Variants in KLHDC7B observed in about 807,000 individuals in gnomAD.
KLHDC7B encodes the protein kelch domain-containing protein 7B.
KLHDC7B carries 1 observed loss-of-function variant against 0.6 expected under a neutral mutation model. The observed-to-expected ratio is 1.71, with a 90% CI of 0.61 to 8.11. The LOEUF is 8.11. Among genes scored for constraint, KLHDC7B ranks in the 30% most tolerant of loss-of-function variants. The probability of loss-of-function intolerance (pLI) is 0.13; values close to 1 mark genes in which losing one functional copy is unlikely to be tolerated. For missense variants in KLHDC7B, 993 were observed against 894.9 expected, an observed-to-expected ratio of 1.11 and a Z score of -1.40; for synonymous variants, 462 against 405.2, an observed-to-expected ratio of 1.14 and a Z score of -1.68.
chr22:50,548,864 A>T lies in KLHDC7B; in HGVS notation c.2621A>T (p.His874Leu). 1 of 1,560,814 alleles carries T rather than the reference A, an allele frequency of 6.4e-7. No individual in the cohort carries two copies. The highest frequency in any genetic ancestry group is 1.2e-5 in the South Asian group (1 of 86,080). ...CLDVLAFAQQ[H>L]GEPGLAQETY... ...GACGTGCTGGCCTTTGCCCAGCAGC[A>T]CGGAGAGCCCGGCCTGGCGCAGGAG... Residue 874 changes from histidine (H) to leucine (L), a missense_variant, in exon 1 of 1, where the codon CAC (histidine) becomes CTC (leucine). His to Leu is a moderately conservative substitution (Grantham distance 99, BLOSUM62 -3). Transcript: ENST00000648057. This position sits in a 1 kb window ranked among gnomAD's most constrained non-coding sequence, Gnocchi z 5.3.
Position 50,548,672 on chromosome 22 carries a change from G to C in KLHDC7B, c.2429G>C (p.Ser810Thr). 1 of 1,520,588 alleles carries C rather than the reference G, an allele frequency of 6.6e-7. No individual in the cohort carries two copies. Among genetic ancestry groups the C allele is most frequent in the East Asian group, 2.5e-5 (1 of 39,864 alleles). 94.2% of individuals were successfully genotyped at this position (1,520,588 alleles called of 1,614,324 possible). Residue 810 changes from serine to threonine, a missense_variant, in exon 1 of 1, where the codon AGC becomes ACC. Coordinates refer to ENST00000648057, the MANE Select transcript of KLHDC7B (RefSeq NM_138433.5). This position sits in a 1 kb window ranked among gnomAD's most constrained non-coding sequence, Gnocchi z 5.3. ...GAGGGGGGCAGCCCTGCCGGCCGCA[G>C]CGGGGCGCTCACGGAAAAGCAGGAG... Reference protein sequence around the residue: ...PGEGGSPAGRSGALTEKQEEA... With the variant: ...PGEGGSPAGRTGALTEKQEEA...
Position 50,549,103 on chromosome 22 carries a change from C to G in KLHDC7B, c.2860C>G (p.Pro954Ala). The change falls in exon 1 of 1, where the codon CCT becomes GCT. Residue 954 changes from proline (P) to alanine (A), a missense_variant. Pro to Ala is a conservative substitution (Grantham distance 27). Coordinates refer to ENST00000648057, the MANE Select transcript of KLHDC7B (RefSeq NM_138433.5). Reference protein sequence around the residue: ...PRGEEPPAAAPVSLPLPAHLH... With the variant: ...PRGEEPPAAAAVSLPLPAHLH... ...TGGCGAGGAGCCTCCTGCGGCGGCC[C>G]CTGTGTCCCTGCCTCTACCTGCGCA... 2 of 1,601,194 alleles carry G rather than the reference C, an allele frequency of 1.2e-6. No homozygotes were observed. The highest frequency in any genetic ancestry group is 1.7e-6 in the Non-Finnish European group (2 of 1,179,680).
chr22:50,549,518 A>G lies in KLHDC7B; in HGVS notation c.3275A>G (p.Asp1092Gly). The change falls in exon 1 of 1, where the codon GAC becomes GGC. Residue 1092 changes from aspartate to glycine, a missense_variant. Coordinates refer to ENST00000648057, the MANE Select transcript of KLHDC7B (RefSeq NM_138433.5). The stretch of plus-strand genomic sequence containing the variant: ...CACGAGGCTGTGGCCTGCCGTGGGG[A>G]CATCTACGTCACCGGGGGTCACCTC... ...VAHEAVACRG[D>G]IYVTGGHLFY... 1 of 1,609,488 alleles carries G rather than the reference A, an allele frequency of 6.2e-7. No homozygotes were observed. The highest frequency in any genetic ancestry group is 8.5e-7 in the Non-Finnish European group (1 of 1,177,694).
At position 50,548,223 on chromosome 22, in the gene KLHDC7B, G is replaced by A. The variant is rs776649660; in HGVS notation, c.1980G>A (p.Pro660=). ...AAGACAGGCCCCAAGGGAGTGTCCC[G>A]AGGGCGGTTCCCGGGAGCCCCGTGG... ...PRQDRPQGSV[P]RAVPGSPVGP... is the part of the protein sequence containing the mutation. Residue 660 remains proline, a synonymous_variant, in exon 1 of 1, where the codon CCG becomes CCA. Coordinates refer to ENST00000648057, the MANE Select transcript of KLHDC7B (RefSeq NM_138433.5). This position sits in a 1 kb window ranked among gnomAD's most constrained non-coding sequence, Gnocchi z 5.3. 7.3e-5 allele frequency: 113 copies of A among 1,549,868 alleles called. No individual in the cohort carries two copies. The highest frequency in any genetic ancestry group is 9.5e-5 in the Non-Finnish European group (109 of 1,146,302).
rs2058441772 is a variant in KLHDC7B, at chr22:50,549,530, C to T, written c.3287C>T (p.Thr1096Ile). The T allele has an allele frequency of 2.5e-6, 4 of 1,606,214 alleles. No homozygotes were observed. The highest frequency in any genetic ancestry group is 1.7e-5 in the Admixed American group (1 of 59,666). The part of the protein sequence containing the change: ...AVACRGDIYV[T>I]GGHLFYRLLR... ...GCCTGCCGTGGGGACATCTACGTCA[C>T]CGGGGGTCACCTCTTCTACCGCCTG... Residue 1096 changes from threonine to isoleucine, a missense_variant, in exon 1 of 1, where the codon ACC becomes ATC. Thr to Ile is a moderately conservative substitution (Grantham distance 89). Transcript: ENST00000648057.
In KLHDC7B at chr22:50,548,805, C is replaced by T. The variant is rs1373654555; in HGVS notation, c.2562C>T (p.Ala854=). 1.4e-6 allele frequency: 2 copies of T among 1,480,296 alleles called. No homozygotes were observed. The highest frequency in any genetic ancestry group is 2.7e-5 in the East Asian group (1 of 37,548). 91.7% of individuals were successfully genotyped at this position (1,480,296 alleles called of 1,614,324 possible). The change falls in exon 1 of 1, where the codon GCC becomes GCT. Residue 854 remains alanine (A), a synonymous_variant. Coordinates refer to ENST00000648057, the MANE Select transcript of KLHDC7B (RefSeq NM_138433.5). This position sits in a 1 kb window ranked among gnomAD's most constrained non-coding sequence, Gnocchi z 5.3. ...SRALEPATAA[A]LRRRLDLGSC... is the part of the protein sequence containing the mutation. ...CCCTGGAGCCCGCCACGGCGGCAGC[C>T]CTGCGGCGGCGGCTGGACCTGGGCA...
chr22:50,548,513 C>T lies in KLHDC7B; in HGVS notation c.2270C>T (p.Ala757Val), dbSNP rs1167163536. ...CCCGCGCAGAGGCCGCCTGGCCCCGCGGCCTCCTCCTCTGCGAGGCGCTCA... is the reference window on the plus strand; with the variant it reads ...CCCGCGCAGAGGCCGCCTGGCCCCGTGGCCTCCTCCTCTGCGAGGCGCTCA... ...QPPAQRPPGP[A>V]ASSSARRSQP... The change falls in exon 1 of 1, where the codon GCG becomes GTG. Residue 757 changes from alanine to valine, a missense_variant. Ala to Val is a moderately conservative substitution (Grantham distance 64, BLOSUM62 0). Transcript: ENST00000648057. The surrounding 1 kb of genome is among the most constrained non-coding windows in gnomAD (Gnocchi z 5.3). 3 of 1,555,540 alleles carry T rather than the reference C, an allele frequency of 1.9e-6. No homozygotes were observed. The highest frequency in any genetic ancestry group is 1.9e-5 in the Admixed American group (1 of 51,368).
At position 50,549,520 on chromosome 22, in the gene KLHDC7B, A is replaced by C. The variant is rs777682809; in HGVS notation, c.3277A>C (p.Ile1093Leu). The C allele has an allele frequency of 6.2e-7, 1 of 1,609,406 alleles. No homozygotes were observed. Among genetic ancestry groups the C allele is most frequent in the East Asian group, 2.2e-5 (1 of 44,766 alleles). ...AHEAVACRGD[I>L]YVTGGHLFYR... ...CGAGGCTGTGGCCTGCCGTGGGGAC[A>C]TCTACGTCACCGGGGGTCACCTCTT... The change falls in exon 1 of 1, where the codon ATC becomes CTC. Residue 1093 changes from isoleucine (I) to leucine (L), a missense_variant. Ile to Leu is a conservative substitution (Grantham distance 5, BLOSUM62 2). Transcript: ENST00000648057.
chr22:50,547,894 C>G lies in KLHDC7B; in HGVS notation c.1651C>G (p.Pro551Ala), dbSNP rs2069749947. ...CCCATCCCCAGCCCTAACCCCAGTC[C>G]CAACCCCAGCCCTAAGCCCAGCTCC... Reference protein sequence around the residue: ...TPPSPALTPVPTPALSPAPTP... With the variant: ...TPPSPALTPVATPALSPAPTP... The change falls in exon 1 of 1, where the codon CCA becomes GCA. Residue 551 changes from proline (P) to alanine (A), a missense_variant. Physicochemically the swap from Pro to Ala is conservative, Grantham distance 27. Coordinates refer to ENST00000648057, the MANE Select transcript of KLHDC7B (RefSeq NM_138433.5). 5.6e-6 allele frequency: 2 copies of G among 354,568 alleles called. No individual in the cohort carries two copies. The highest frequency in any genetic ancestry group is 2.6e-5 in the African/African-American group (1 of 37,752). The allele number at this position is 354,568 out of a possible 1,614,324, so 22.0% of individuals were successfully genotyped here.
In KLHDC7B at chr22:50,549,877, T is replaced by C. The variant is rs761981855; in HGVS notation, c.3634T>C (p.Leu1212=). ...FQAKELQPFP[L]GSTGVLSPFI... Reference sequence around the variant, plus strand: ...GGCCAAGGAGCTGCAGCCCTTCCCCTTGGGGAGCACCGGGGTCCTCAGTCC... The same window carrying C: ...GGCCAAGGAGCTGCAGCCCTTCCCCCTGGGGAGCACCGGGGTCCTCAGTCC... The change falls in exon 1 of 1, where the codon TTG becomes CTG. Residue 1212 remains leucine (L), a synonymous_variant. Transcript: ENST00000648057. The C allele has an allele frequency of 1.3e-6, 2 of 1,587,862 alleles. No homozygotes were observed. Among genetic ancestry groups the C allele is most frequent in the Non-Finnish European group, 8.6e-7 (1 of 1,166,036 alleles).
rs1569030840 is a variant in KLHDC7B, at chr22:50,549,743, T to TG, written c.1578dup (p.Pro527AlafsTer61). 9 of 1,408,898 alleles carry TG rather than the reference T, an allele frequency of 6.4e-6. No homozygotes were observed. The highest frequency in any genetic ancestry group is 1.9e-5 in the Admixed American group (1 of 53,990). 87.3% of individuals were successfully genotyped at this position (1,408,898 alleles called of 1,614,324 possible). A position where few individuals can be genotyped will look rare whatever the true frequency, so the allele number is the denominator to read the frequency against. ...TGGAGCAGGGCTGCCTCCCTGCCCCTGCCCGCCCCCGCCCCACTGCACTGC... is the reference window on the plus strand; with the variant it reads ...TGGAGCAGGGCTGCCTCCCTGCCCCTGGCCCGCCCCCGCCCCACTGCACTGC... On this transcript the variant is annotated frameshift_variant, in exon 1 of 1. Transcript: ENST00000395676. LOFTEE classifies it low-confidence loss of function (END_TRUNC).
Position 50,549,663 on chromosome 22 carries a change from C to CCTG in KLHDC7B, c.3425_3427dup (p.Leu1142dup), listed in dbSNP as rs2069782863. ...TGGGGGGCTTCCTGTACCGCTTCGA[C>CCTG]CTGCTGCGGGGCGTGGGCGCCGCCG... On this transcript the variant is annotated inframe_insertion, in exon 1 of 1. Coordinates refer to ENST00000648057, the MANE Select transcript of KLHDC7B (RefSeq NM_138433.5). The CCTG allele has an allele frequency of 6.4e-7, 1 of 1,557,168 alleles. No individual in the cohort carries two copies. Among genetic ancestry groups the CCTG allele is most frequent in the Admixed American group, 1.8e-5 (1 of 55,484 alleles).
Position 50,546,297 on chromosome 22 carries a change from C to T in KLHDC7B, c.54C>T (p.Asp18=), listed in dbSNP as rs2148694538. The T allele has an allele frequency of 2.5e-6, 1 of 398,634 alleles. No individual in the cohort carries two copies. The highest frequency in any genetic ancestry group is 3.6e-5 in the East Asian group (1 of 28,076). 24.7% of individuals were successfully genotyped at this position (398,634 alleles called of 1,614,324 possible). The change falls in exon 1 of 1, where the codon GAC becomes GAT. Residue 18 remains aspartate (D), a synonymous_variant. Coordinates refer to ENST00000648057, the MANE Select transcript of KLHDC7B (RefSeq NM_138433.5). ...GTCCCCTCTGGGGCTGGGACTGGGACAGTGACAATGACTGGGATAGTGCTG... is the reference window on the plus strand; with the variant it reads ...GTCCCCTCTGGGGCTGGGACTGGGATAGTGACAATGACTGGGATAGTGCTG... ...PDGPLWGWDW[D]SDNDWDSAVL... is the part of the protein sequence containing the mutation.
chr22:50,548,329 G>A lies in KLHDC7B; in HGVS notation c.2086G>A (p.Gly696Ser). Residue 696 changes from glycine (G) to serine (S), a missense_variant, in exon 1 of 1, where the codon GGC becomes AGC. Transcript: ENST00000648057. The surrounding 1 kb of genome is among the most constrained non-coding windows in gnomAD (Gnocchi z 5.3). ...VGTVIGTGTG[G>S]LVEAGGQPQP... is the part of the protein sequence containing the mutation. ...GACAGTCATAGGGACAGGTACAGGG[G>A]GCCTGGTTGAGGCTGGAGGTCAGCC... 6.4e-7 allele frequency: 1 copy of A among 1,551,050 alleles called. No individual in the cohort carries two copies. The highest frequency in any genetic ancestry group is 8.7e-7 in the Non-Finnish European group (1 of 1,146,950).
chr22:50,549,077 G>A lies in KLHDC7B; in HGVS notation c.2834G>A (p.Arg945His), dbSNP rs755907970. ...GGRSGLPRGPRGEEPPAAAPV... is the reference protein window; with the variant it reads ...GGRSGLPRGPHGEEPPAAAPV... Reference sequence around the variant, plus strand: ...CGCTCAGGGCTCCCCAGGGGCCCTCGTGGCGAGGAGCCTCCTGCGGCGGCC... The same window carrying A: ...CGCTCAGGGCTCCCCAGGGGCCCTCATGGCGAGGAGCCTCCTGCGGCGGCC... The change falls in exon 1 of 1, where the codon CGT becomes CAT. Residue 945 changes from arginine (R) to histidine (H), a missense_variant. Coordinates refer to ENST00000648057, the MANE Select transcript of KLHDC7B (RefSeq NM_138433.5). The A allele has an allele frequency of 6.2e-7, 1 of 1,600,102 alleles. No homozygotes were observed. The highest frequency in any genetic ancestry group is 1.7e-5 in the Admixed American group (1 of 59,928).
In KLHDC7B at chr22:50,549,115, C is replaced by A; in HGVS notation, c.2872C>A (p.Pro958Thr). Residue 958 changes from proline (P) to threonine (T), a missense_variant, in exon 1 of 1, where the codon CCT becomes ACT. Transcript: ENST00000648057. The stretch of plus-strand genomic sequence containing the variant: ...TCCTGCGGCGGCCCCTGTGTCCCTG[C>A]CTCTACCTGCGCACCTGCATGTGTT... Reference protein sequence around the residue: ...EPPAAAPVSLPLPAHLHVFNP... With the variant: ...EPPAAAPVSLTLPAHLHVFNP... The A allele has an allele frequency of 6.2e-7, 1 of 1,601,878 alleles. No homozygotes were observed. Among genetic ancestry groups the A allele is most frequent in the Non-Finnish European group, 8.5e-7 (1 of 1,179,774 alleles).
rs369182270 is a variant in KLHDC7B, at chr22:50,550,049, G to A, written c.*98G>A. ...GGGCTCAGGGAAGGGGCTGGGATCG[G>A]AACTTCCTGCTCTTGTTTCTGGACA... On this transcript the variant is annotated 3_prime_UTR_variant, in exon 1 of 1. Coordinates refer to ENST00000648057, the MANE Select transcript of KLHDC7B (RefSeq NM_138433.5). 8.0e-7 allele frequency: 1 copy of A among 1,247,018 alleles called. No homozygotes were observed. The allele number at this position is 1,247,018 out of a possible 1,614,324, so 77.2% of individuals were successfully genotyped here.
Position 50,550,329 on chromosome 22 carries a change from ATTCACAC to A in KLHDC7B, c.*382_*388del, listed in dbSNP as rs1181582167. The A allele has an allele frequency of 4.2e-6, 1 of 237,696 alleles. No homozygotes were observed. Among genetic ancestry groups the A allele is most frequent in the African/African-American group, 2.3e-5 (1 of 44,050 alleles). The allele number at this position is 237,696 out of a possible 1,614,324, so 14.7% of individuals were successfully genotyped here. A position where few individuals can be genotyped will look rare whatever the true frequency, so the allele number is the denominator to read the frequency against. Reference sequence around the variant, plus strand: ...GCCGAGAGAGGAGGGGGTAGAAAACATTCACACTTCCTATGCTCTGTCAGCAGGACAG... The same window carrying A: ...GCCGAGAGAGGAGGGGGTAGAAAACATTCCTATGCTCTGTCAGCAGGACAG... On this transcript the variant is annotated 3_prime_UTR_variant, in exon 1 of 1. Coordinates refer to ENST00000648057, the MANE Select transcript of KLHDC7B (RefSeq NM_138433.5).
Position 50,547,883 on chromosome 22 carries a change from TAACCCCAGTCCC to T in KLHDC7B, c.1649_1660del (p.Val550_Pro553del), listed in dbSNP as rs201988838. ...ACCCTCACACCCCCATCCCCAGCCC[TAACCCCAGTCCC>T]AACCCCAGCCCTAAGCCCAGCTCCA... On this transcript the variant is annotated inframe_deletion, in exon 1 of 1. Transcript: ENST00000648057. 15,630 of 86,212 alleles carry T rather than the reference TAACCCCAGTCCC, an allele frequency of 0.18. 722 individuals carry two copies. Among genetic ancestry groups the T allele is most frequent in the Non-Finnish European group, 0.22 (11,659 of 53,920 alleles). 5.3% of individuals were successfully genotyped at this position (86,212 alleles called of 1,614,324 possible). A position where few individuals can be genotyped will look rare whatever the true frequency, so the allele number is the denominator to read the frequency against.
Sources: allele counts gnomAD v4.1 joint callset, GRCh38; gene constraint gnomAD v4.1.1; non-coding constraint Gnocchi (gnomAD v3.1); transcripts MANE v1.5; gene names NCBI Gene and HGNC (gene_info 2026-07-23, HGNC 2026-07-21).